The following SH3GL2 variants were observed in gnomAD, a reference collection of about 807,000 sequenced individuals.
SH3GL2 encodes the protein SH3 domain containing GRB2 like 2, endophilin A1, also known as endophilin-A1.
SH3GL2 carries 24 observed loss-of-function variants against 46.0 expected under a neutral mutation model. The ratio of observed to expected loss-of-function variants is 0.52; its 90% CI spans 0.38 to 0.73. The LOEUF (loss-of-function observed/expected upper bound fraction) is 0.73. Ranked by LOEUF, SH3GL2 falls within the 30% of genes least tolerant of loss-of-function variation. The pLI is 0.00. For missense variants in SH3GL2, 413 were observed against 424.2 expected (o/e 0.97, Z 0.23); for synonymous variants, 196 against 147.1 (o/e 1.33, Z -2.40).
intron 1 of SH3GL2, among the ~76,000 whole-genome samples, chr9:17,741,228 A>G (rs75170096): frequency 0.05 from 7,619 of 152,246 alleles, 251 homozygotes; most frequent in Non-Finnish European, 0.07. Context: ...GTATTTTGGA[A>G]AAGTATTATG....
rs555827089 is a variant in SH3GL2, at chr9:17,658,440, G to C, written c.45+79153G>C. ...CTTTATTTCATCTGAATTCTGCTGG[G>C]TCATCACATTGGACTTGTGGAAGAA... On this transcript the variant is annotated intron_variant, in intron 1 of 8. Transcript: ENST00000380607. 2.0e-5 allele frequency among the ~76,000 whole-genome samples: 3 copies of C among 152,284 alleles called. No homozygotes were observed. The East Asian group carries it at 5.8e-4, about 29-fold the overall frequency.
chr9:17,675,559 T>C (rs1820584632), intron 1 of SH3GL2, among the ~76,000 whole-genome samples: 1 of 152,218 alleles, frequency 6.6e-6, no homozygotes, highest in South Asian at 2.1e-4. Context: ...AAGTCTTTGC[T>C]CTGCAAGGGA....
chr9:17,739,636 C>T (rs1221545244), intron 1 of SH3GL2, among the ~76,000 whole-genome samples: 2 of 151,898 alleles, frequency 1.3e-5, no homozygotes, highest in African/African-American at 4.8e-5. Context: ...TTTTATTCAG[C>T]ACATTGTATA....
At chr9:17,709,101 G>T (rs1006281058) in intron 1 of SH3GL2, among the ~76,000 whole-genome samples, 7 of 151,988 alleles carry the variant, frequency 4.6e-5, no homozygotes, top group Non-Finnish European at 1.5e-5. Flanking sequence ...TCTAATGTGG[G>T]TAAAATGTTT....
chr9:17,658,369 G>A (rs1422256269), intron 1 of SH3GL2, among the ~76,000 whole-genome samples: 1 of 152,238 alleles, frequency 6.6e-6, no homozygotes, highest in Middle Eastern at 3.4e-3. Flanking sequence ...ATTTCTTCCA[G>A]GGACATATTT....
rs569299342 is a variant in SH3GL2, at chr9:17,747,917, G to A, written c.114+783G>A. Among the ~76,000 whole-genome samples, 344 of 152,048 alleles carry A rather than the reference G, an allele frequency of 2.3e-3. 1 individual carries two copies. The highest frequency in any genetic ancestry group is 5.4e-3 in the South Asian group (26 of 4,804). ...TCGAACTCCTAACCTCAGGTGGTCC[G>A]CCTGCCTCAGCCTCCCAAAGTGCTG... On this transcript the variant is annotated intron_variant, in intron 2 of 8. Transcript: ENST00000380607.
intron 2 of SH3GL2, among the ~76,000 whole-genome samples, chr9:17,759,177 C>A (rs1216063137): frequency 3.3e-5 from 5 of 152,180 alleles, no homozygotes; most frequent in Admixed American, 3.3e-4. Flanking sequence ...GTACCAGTCT[C>A]TGTAGGGAAA....
intron 1 of SH3GL2, among the ~76,000 whole-genome samples, chr9:17,652,789 G>T (rs1163678291): frequency 6.6e-6 from 1 of 151,964 alleles, no homozygotes; most frequent in Non-Finnish European, 1.5e-5. Context: ...AGTTGCTATG[G>T]GAAACATACT....
intron 1 of SH3GL2, among the ~76,000 whole-genome samples, chr9:17,655,934 C>G (rs1053896427): frequency 6.6e-6 from 1 of 152,300 alleles, no homozygotes; most frequent in South Asian, 2.1e-4. Context: ...AAGAAAAGTG[C>G]TTTTAAAGCC....
At chr9:17,698,470 G>C (rs1450459503) in intron 1 of SH3GL2, among the ~76,000 whole-genome samples, 1 of 152,132 alleles carries the variant, frequency 6.6e-6, no homozygotes, top group Non-Finnish European at 1.5e-5. Context: ...AAAATCCTTG[G>C]AAAGTATTTT....
At chr9:17,606,889 A>G (rs1466159203) in intron 1 of SH3GL2, among the ~76,000 whole-genome samples, 3 of 152,210 alleles carry the variant, frequency 2.0e-5, no homozygotes, top group Non-Finnish European at 4.4e-5. Flanking sequence ...TTAGAAATAG[A>G]CGGTCAGCAG....
chr9:17,738,804 C>T (rs1822439160), intron 1 of SH3GL2, among the ~76,000 whole-genome samples: 1 of 151,894 alleles, frequency 6.6e-6, no homozygotes, highest in Non-Finnish European at 1.5e-5. Context: ...ATTCCTTCTT[C>T]CTCAGAGTCA....
At chr9:17,681,255 A>G (rs1820759179) in intron 1 of SH3GL2, among the ~76,000 whole-genome samples, 1 of 152,168 alleles carries the variant, frequency 6.6e-6, no homozygotes, top group South Asian at 2.1e-4. Context: ...CAATAACAAC[A>G]ACAAAAGAGT....
At chr9:17,756,122 G>A (rs1822982186) in intron 2 of SH3GL2, among the ~76,000 whole-genome samples, 2 of 152,072 alleles carry the variant, frequency 1.3e-5, no homozygotes, top group African/African-American at 2.4e-5. Flanking sequence ...AAATGAATAA[G>A]TATGGCTGTT....
intron 1 of SH3GL2, among the ~76,000 whole-genome samples, chr9:17,739,103 G>T (rs958336325): frequency 3.3e-5 from 5 of 152,082 alleles, no homozygotes; most frequent in African/African-American, 9.7e-5. Context: ...TTTTGTGGAT[G>T]AGGAAACAGG....
At chr9:17,651,790 T>C (rs1353889548) in intron 1 of SH3GL2, among the ~76,000 whole-genome samples, 3 of 152,190 alleles carry the variant, frequency 2.0e-5, no homozygotes, top group Admixed American at 6.5e-5. Flanking sequence ...AGTATTGATA[T>C]TGCTTAACTT....
At chr9:17,634,875 G>A in intron 1 of SH3GL2, among the ~76,000 whole-genome samples, 1 of 152,316 alleles carries the variant, frequency 6.6e-6, no homozygotes, top group East Asian at 1.9e-4. Context: ...ATGGGGAAGG[G>A]TAAGCATTCT....
At position 17,728,320 on chromosome 9, in the gene SH3GL2, C is replaced by G. The variant is rs77682351; in HGVS notation, c.46-18746C>G. 2.0e-5 allele frequency among the ~76,000 whole-genome samples: 3 copies of G among 152,060 alleles called. No individual in the cohort carries two copies. The East Asian group carries it at 5.8e-4, about 29-fold the overall frequency. On this transcript the variant is annotated intron_variant, in intron 1 of 8. Coordinates refer to ENST00000380607, the MANE Select transcript of SH3GL2 (RefSeq NM_003026.5). ...TTAACTAATAGAAAAGATGAAGTAC[C>G]ACAGCAATTAAATCAAAAGTGGCTT...
chr9:17,680,088 C>G (rs1820728042), intron 1 of SH3GL2, among the ~76,000 whole-genome samples: 2 of 152,160 alleles, frequency 1.3e-5, no homozygotes, highest in East Asian at 1.9e-4. Context: ...GTCTAAAATT[C>G]TCTTTTTTTG....
Sources: gnomAD v4.1 joint callset for allele counts (sites outside exome capture counted in the v4.1 genomes callset) on GRCh38, gnomAD v4.1.1 for gene constraint, MANE v1.5 for transcripts, NCBI Gene and HGNC (gene_info 2026-07-23, HGNC 2026-07-21) for gene names.